Variants in CDRT4 observed in about 807,000 individuals in gnomAD.
The protein encoded by CDRT4 is CMT1A duplicated region transcript 4.
For synonymous variants in CDRT4, 64 were observed against 69.6 expected, an observed-to-expected ratio of 0.92 and a Z score of 0.40; for missense variants, 167 against 193.1, an observed-to-expected ratio of 0.87 and a Z score of 0.80.
In CDRT4 at chr17:15,465,287, CCAA is replaced by C. The variant is rs1979973390; in HGVS notation, c.-130+2170_-130+2172del. 6.7e-5 allele frequency among the ~76,000 whole-genome samples: 8 copies of C among 119,324 alleles called. 1 individual carries two copies. The South Asian group carries it at 2.3e-3, about 34-fold the overall frequency. 78.3% of individuals were successfully genotyped at this position (119,324 alleles called of 152,430 possible). On this transcript the variant is annotated intron_variant, in intron 1 of 3. Coordinates refer to ENST00000619038, the MANE Select transcript of CDRT4 (RefSeq NM_001204477.2). ...ACACACACACCAACACAAACACACA[CCAA>C]CACCAGACACACCAACACACAGACA...
intron 1 of CDRT4, among the ~76,000 whole-genome samples, chr17:15,457,256 C>T (rs940578147): frequency 2.6e-5 from 4 of 152,138 alleles, no homozygotes; most frequent in African/African-American, 4.8e-5. Flanking sequence ...CTTATGAGCC[C>T]GACTTCTGGG....
intron 1 of CDRT4, among the ~76,000 whole-genome samples, chr17:15,453,679 G>C (rs1276059233): frequency 6.6e-6 from 1 of 152,110 alleles, no homozygotes; most frequent in Non-Finnish European, 1.5e-5. Context: ...CAATTGATAG[G>C]AGAATTCACC....
chr17:15,442,083 A>G (rs1978788250), intron 2 of CDRT4, among the ~76,000 whole-genome samples: 1 of 152,222 alleles, frequency 6.6e-6, no homozygotes, highest in Non-Finnish European at 1.5e-5. Flanking sequence ...TAGTGAAAAT[A>G]GAACTCTTTA....
In CDRT4 at chr17:15,464,956, GACAC is replaced by G. The variant is rs1450374735; in HGVS notation, c.-130+2500_-130+2503del. ...CAACACACACACACACCAACACACA[GACAC>G]ACACACCAACAGACACACCAACACA... On this transcript the variant is annotated intron_variant, in intron 1 of 3. Transcript: ENST00000619038. The surrounding 1 kb of genome is among the most constrained non-coding windows in gnomAD (Gnocchi z 4.5). 6.6e-6 allele frequency among the ~76,000 whole-genome samples: 1 copy of G among 150,910 alleles called. No individual in the cohort carries two copies. The highest frequency in any genetic ancestry group is 2.4e-5 in the African/African-American group (1 of 41,036).
intron 2 of CDRT4, among the ~76,000 whole-genome samples, 200 bp downstream of exon 2, chr17:15,452,804 T>C: frequency 6.6e-6 from 1 of 152,338 alleles, no homozygotes. Flanking sequence ...CTGAACCTTA[T>C]CTATCAAGGC....
rs925053456 is a variant in CDRT4 at position 15,450,635 on chromosome 17, A to G, written c.-48+2369T>C. On this transcript the variant is annotated intron_variant, in intron 2 of 3. Transcript: ENST00000619038. The surrounding 1 kb of genome is among the most constrained non-coding windows in gnomAD (Gnocchi z 4.2). ...ATGGCAATCAGTTTTGTGGCTCTAC[A>G]TCTCATCAATTTGCCACATCTAACT... 6.6e-6 allele frequency among the ~76,000 whole-genome samples: 1 copy of G among 150,500 alleles called. No individual in the cohort carries two copies. Among genetic ancestry groups the G allele is most frequent in the Non-Finnish European group, 1.5e-5 (1 of 67,800 alleles).
At chr17:15,465,317 A>G (rs926281870) in intron 1 of CDRT4, among the ~76,000 whole-genome samples, 1 of 149,442 alleles carries the variant, frequency 6.7e-6, no homozygotes, top group Non-Finnish European at 1.5e-5. Context: ...ACACAGACAC[A>G]CACAACACAG....
intron 1 of CDRT4, among the ~76,000 whole-genome samples, chr17:15,459,323 G>A (rs2150797853): frequency 6.6e-6 from 1 of 152,116 alleles, no homozygotes; most frequent in South Asian, 2.1e-4. Flanking sequence ...GTGGCTCTGA[G>A]AAGGCCATTT....
Position 15,443,766 on chromosome 17 carries a change from T to C in CDRT4, c.-47-3481A>G, listed in dbSNP as rs115200845. On this transcript the variant is annotated intron_variant, in intron 2 of 3. Transcript: ENST00000619038. ...ATCACATCAGTGTAGAACCCAGTCT[T>C]CTCGGACAGAAAACAAAAAAGGCTC... 3.0e-3 allele frequency: 1,503 copies of C among 505,868 alleles called. 14 individuals are homozygous for C. The highest frequency in any genetic ancestry group is 0.026 in the African/African-American group (1,338 of 51,266). 31.3% of individuals were successfully genotyped at this position (505,868 alleles called of 1,614,324 possible).
chr17:15,456,265 T>C (rs1386679023), intron 1 of CDRT4, among the ~76,000 whole-genome samples: 1 of 152,056 alleles, frequency 6.6e-6, no homozygotes, highest in East Asian at 1.9e-4. Context: ...TATACTAATA[T>C]GACTAGAGGG....
intron 2 of CDRT4, among the ~76,000 whole-genome samples, chr17:15,441,585 C>T (rs1978763737): frequency 6.6e-6 from 1 of 151,954 alleles, no homozygotes; most frequent in Non-Finnish European, 1.5e-5. Flanking sequence ...CCCTTTTTCC[C>T]TAATCAAGGA....
At chr17:15,452,727 T>C (rs1979318627) in intron 2 of CDRT4, 1 of 152,284 alleles carries the variant, frequency 6.6e-6, no homozygotes, top group Non-Finnish European at 1.5e-5. Context: ...GATACTTCTT[T>C]TGAGAGGCTG....
intron 1 of CDRT4, among the ~76,000 whole-genome samples, chr17:15,455,311 G>A (rs1212598423): frequency 3.3e-5 from 5 of 152,152 alleles, no homozygotes; most frequent in Non-Finnish European, 7.3e-5. Flanking sequence ...AGGAGTAAGG[G>A]TAAACATGGA....
intron 1 of CDRT4, among the ~76,000 whole-genome samples, chr17:15,456,550 G>A (rs138334986): frequency 3.1e-4 from 44 of 143,530 alleles, no homozygotes; most frequent in Middle Eastern, 3.5e-3. Context: ...GAAGATTGCC[G>A]CTAATCTTCC....
At chr17:15,466,965 C>T (rs1980068621) in intron 1 of CDRT4, among the ~76,000 whole-genome samples, 1 of 152,176 alleles carries the variant, frequency 6.6e-6, no homozygotes, top group Non-Finnish European at 1.5e-5. Flanking sequence ...AAGGTATTTA[C>T]CAGTTCTGGC....
chr17:15,449,720 C>A (rs981422971), intron 2 of CDRT4, among the ~76,000 whole-genome samples: 1 of 152,190 alleles, frequency 6.6e-6, no homozygotes, highest in African/African-American at 2.4e-5. Context: ...TCATCCTCCT[C>A]CCTTTTGGAG....
At chr17:15,439,031 A>T in intron 3 of CDRT4, 1 of 432,632 alleles carries the variant, frequency 2.3e-6, no homozygotes, top group Admixed American at 2.5e-5. Flanking sequence ...TTAGTTTATC[A>T]AGCAGCCTGT....
intron 2 of CDRT4, among the ~76,000 whole-genome samples, chr17:15,444,673 G>A (rs1403688863): frequency 2.0e-5 from 3 of 150,508 alleles, no homozygotes; most frequent in Non-Finnish European, 2.9e-5. Flanking sequence ...CCAGCATGAC[G>A]AAACCCCGTC....
chr17:15,463,703 C>T (rs931307957), intron 1 of CDRT4, among the ~76,000 whole-genome samples: 2 of 152,200 alleles, frequency 1.3e-5, no homozygotes, highest in Non-Finnish European at 2.9e-5. Context: ...CTCCACTGTG[C>T]CATGTGCCAG....
Sources: allele counts gnomAD v4.1 joint callset (sites outside exome capture counted in the v4.1 genomes callset), GRCh38; gene constraint gnomAD v4.1.1; non-coding constraint Gnocchi (gnomAD v3.1); transcripts MANE v1.5; gene names NCBI Gene and HGNC (gene_info 2026-07-23, HGNC 2026-07-21).